DPYD: variants seen among roughly 807,000 people sequenced by gnomAD.
DPYD encodes dihydropyrimidine dehydrogenase.
In DPYD, 109 loss-of-function variants were observed where a neutral mutation model predicts 116.2. That is an observed-to-expected ratio of 0.94 (90% confidence interval 0.80 to 1.10). The LOEUF (loss-of-function observed/expected upper bound fraction) is 1.10. Among genes scored for constraint, DPYD ranks in the 50% least tolerant of loss-of-function variants. The pLI is 0.00. For synonymous variants in DPYD, 440 were observed against 432.0 expected (o/e 1.02, Z -0.23); for missense variants, 1,302 against 1,254.5 (o/e 1.04, Z -0.57).
chr1:97,638,390 T>C (rs1238036127), intron 8 of DPYD, among the ~76,000 whole-genome samples: 1 of 152,126 alleles, frequency 6.6e-6, no homozygotes, highest in Non-Finnish European at 1.5e-5. Context: ...TGGGTACTTG[T>C]GGCAAATCAT....
chr1:97,182,712 C>T (rs905159983), intron 20 of DPYD, among the ~76,000 whole-genome samples: 3 of 152,066 alleles, frequency 2.0e-5, no homozygotes, highest in Non-Finnish European at 2.9e-5. Context: ...CCCTTCCCTT[C>T]TCCTCTTTTC....
At chr1:97,468,474 G>A (rs1191252951) in intron 13 of DPYD, among the ~76,000 whole-genome samples, 1 of 152,062 alleles carries the variant, frequency 6.6e-6, no homozygotes. Context: ...CACAGGTAGA[G>A]GGCATCATCT....
At chr1:97,781,017 C>G (rs1666711626) in intron 3 of DPYD, among the ~76,000 whole-genome samples, 1 of 152,182 alleles carries the variant, frequency 6.6e-6, no homozygotes, top group Non-Finnish European at 1.5e-5. Context: ...ATGACTACAA[C>G]TGCAACTCTC....
chr1:97,683,449 T>C (rs1390033289), intron 7 of DPYD, among the ~76,000 whole-genome samples: 2 of 151,778 alleles, frequency 1.3e-5, no homozygotes, highest in African/African-American at 4.8e-5. Context: ...AAGAAATGTA[T>C]AGAAATTACA....
chr1:97,439,525 T>C (rs942264000), intron 14 of DPYD, among the ~76,000 whole-genome samples: 2 of 152,176 alleles, frequency 1.3e-5, no homozygotes, highest in African/African-American at 4.8e-5. Flanking sequence ...TATGATGTCA[T>C]TTTCCTTTTA....
intron 3 of DPYD, among the ~76,000 whole-genome samples, chr1:97,780,549 C>T (rs1666684272): frequency 6.6e-6 from 1 of 152,194 alleles, no homozygotes. Context: ...CCACGTTTAA[C>T]TCCTCCAGGC....
intron 10 of DPYD, among the ~76,000 whole-genome samples, chr1:97,592,095 A>G (rs1654559422): frequency 6.6e-6 from 1 of 152,202 alleles, no homozygotes; most frequent in African/African-American, 2.4e-5. Context: ...CCTATTGACT[A>G]CAGCTATAAT....
At chr1:97,850,489 C>T (rs1296691755) in intron 2 of DPYD, among the ~76,000 whole-genome samples, 1 of 152,030 alleles carries the variant, frequency 6.6e-6, no homozygotes, top group Non-Finnish European at 1.5e-5. Flanking sequence ...ACTATTTGGT[C>T]CTTTGATTCA....
At chr1:97,572,535 T>C (rs2248658) in intron 11 of DPYD, among the ~76,000 whole-genome samples, 17,601 of 151,978 alleles carry the variant, frequency 0.12, 1,124 homozygotes, top group Middle Eastern at 0.14. Context: ...TTCAACATTT[T>C]ACTCAATTTT....
At chr1:97,692,195 T>G (rs762879309) in intron 6 of DPYD, among the ~76,000 whole-genome samples, 5 of 152,076 alleles carry the variant, frequency 3.3e-5, no homozygotes, top group Non-Finnish European at 7.4e-5. Context: ...TTTTAATATA[T>G]GTATACACAT....
intron 8 of DPYD, among the ~76,000 whole-genome samples, chr1:97,606,532 G>T (rs1655612506): frequency 6.6e-6 from 1 of 151,854 alleles, no homozygotes; most frequent in Non-Finnish European, 1.5e-5. Context: ...GCATGATGGG[G>T]TATGAGTTCA....
At chr1:97,080,555 A>T (rs1440979852) in intron 22 of DPYD, among the ~76,000 whole-genome samples, 1 of 152,156 alleles carries the variant, frequency 6.6e-6, no homozygotes, top group Non-Finnish European at 1.5e-5. Context: ...CTATAGCTAT[A>T]GCAAGTCATG....
intron 1 of DPYD, among the ~76,000 whole-genome samples, chr1:97,883,680 C>G (rs1179920093): frequency 1.3e-5 from 2 of 151,988 alleles, no homozygotes; most frequent in East Asian, 3.9e-4. Context: ...CTCCTGGTCT[C>G]AAGCGATCCA....
chr1:97,235,020 G>A, intron 18 of DPYD, 26 bp from the exon 19 acceptor site: 1 of 1,613,918 alleles, frequency 6.2e-7, no homozygotes, highest in Non-Finnish European at 8.5e-7. Flanking sequence ...ATAATCAATG[G>A]TTAGCACACT....
At chr1:97,416,407 A>G (rs1674292273) in intron 14 of DPYD, among the ~76,000 whole-genome samples, 1 of 152,218 alleles carries the variant, frequency 6.6e-6, no homozygotes, top group Non-Finnish European at 1.5e-5. Context: ...TCCAGAATCA[A>G]TGACTGAGAA....
In DPYD at chr1:97,324,966, G is replaced by A. The variant is rs191305414; in HGVS notation, c.2059-18669C>T. 1.8e-4 allele frequency among the ~76,000 whole-genome samples: 28 copies of A among 152,056 alleles called. 1 individual carries two copies. Among genetic ancestry groups the A allele is most frequent in the Admixed American group, 7.2e-4 (11 of 15,242 alleles). On this transcript the variant is annotated intron_variant, in intron 16 of 22. Coordinates refer to ENST00000370192, the MANE Select transcript of DPYD (RefSeq NM_000110.4). The stretch of plus-strand genomic sequence containing the variant: ...TCAATACCTGCATGATTACCAATTC[G>A]ACAAGGATCTTTCATTTATCCCAAC...
chr1:97,237,241 CAAAAA>C (rs58926889), intron 18 of DPYD, among the ~76,000 whole-genome samples: 1 of 57,698 alleles, frequency 1.7e-5, no homozygotes, highest in Admixed American at 2.2e-4. Flanking sequence ...GATTCTGTCT[CAAAAA>C]AAAAAAAAAA....
At chr1:97,414,707 T>A (rs1007499115) in intron 14 of DPYD, among the ~76,000 whole-genome samples, 1 of 152,236 alleles carries the variant, frequency 6.6e-6, no homozygotes, top group Non-Finnish European at 1.5e-5. Flanking sequence ...CTGAATATGC[T>A]GTAGCTAGAA....
intron 18 of DPYD, among the ~76,000 whole-genome samples, chr1:97,275,258 T>A (rs1401138261): frequency 6.6e-6 from 1 of 152,150 alleles, no homozygotes; most frequent in African/African-American, 2.4e-5. Context: ...TCTTCAAGTT[T>A]TAGTTAAAAT....
Sources: gnomAD v4.1 joint callset for allele counts (sites outside exome capture counted in the v4.1 genomes callset) on GRCh38, gnomAD v4.1.1 for gene constraint, MANE v1.5 for transcripts, NCBI Gene and HGNC (gene_info 2026-07-23, HGNC 2026-07-21) for gene names.